TRHDE: variants seen among roughly 807,000 people sequenced by gnomAD.
The protein encoded by TRHDE is thyrotropin releasing hormone degrading enzyme.
In TRHDE, 72 loss-of-function variants were observed where a neutral mutation model predicts 125.7. The observed-to-expected ratio is 0.57, with a 90% CI of 0.47 to 0.70. The LOEUF (loss-of-function observed/expected upper bound fraction) is 0.70. Ranked by LOEUF, TRHDE falls within the 30% of genes least tolerant of loss-of-function variation. The pLI is 0.00. For missense variants in TRHDE, 1,110 were observed against 1,327.1 expected (o/e 0.84, Z 2.54); for synonymous variants, 509 against 509.1 (o/e 1.00, Z 0.00).
intron 2 of TRHDE, among the ~76,000 whole-genome samples, chr12:72,182,796 G>A (rs147647150): frequency 1.5e-3 from 231 of 152,326 alleles, no homozygotes; most frequent in Non-Finnish European, 2.8e-3. Context: ...AGTGTAGGAA[G>A]AGGGTAAAGA....
chr12:72,596,606 T>C (rs906347802), intron 12 of TRHDE, among the ~76,000 whole-genome samples: 3 of 152,184 alleles, frequency 2.0e-5, no homozygotes, highest in Non-Finnish European at 4.4e-5. Context: ...CAGTTCTGGA[T>C]AGTATACTGA....
intron 6 of TRHDE, among the ~76,000 whole-genome samples, chr12:72,512,924 G>A (rs2135950561): frequency 6.6e-6 from 1 of 151,980 alleles, no homozygotes; most frequent in South Asian, 2.1e-4. Flanking sequence ...CAATATTGAA[G>A]GAGGTTGAAC....
In TRHDE at chr12:72,652,358, A is replaced by C. The variant is rs1346771431; in HGVS notation, c.2712A>C (p.Thr904=). 7 of 1,604,202 alleles carry C rather than the reference A, an allele frequency of 4.4e-6. No homozygotes were observed. Among genetic ancestry groups the C allele is most frequent in the Non-Finnish European group, 6.0e-6 (7 of 1,175,028 alleles). ...ATGTTAGAGACATCGTATACTGTAC[A>C]GGAGTGTCACTACTGGATGAGGATG... ...PLNVRDIVYC[T]GVSLLDEDVW... The change falls in exon 16 of 19, where the codon ACA becomes ACC. Residue 904 remains threonine (T), a synonymous_variant. Transcript: ENST00000261180.
rs1306321781 is a variant in TRHDE, at chr12:72,514,883, T to C, written c.1722+15248T>C. Among the ~76,000 whole-genome samples, 639 of 146,694 alleles carry C rather than the reference T, an allele frequency of 4.4e-3. 3 individuals carry two copies. Among genetic ancestry groups the C allele is most frequent in the South Asian group, 7.9e-3 (36 of 4,532 alleles). On this transcript the variant is annotated intron_variant, in intron 6 of 18. Coordinates refer to ENST00000261180, the MANE Select transcript of TRHDE (RefSeq NM_013381.3). ...ATTCCCACCTATGAGTGAGAATATG[T>C]GGTGTTTGGTTTTTTGTTCTTGCGA...
rs1272866510 is a variant in TRHDE, at chr12:72,331,521, T to C, written c.1188+44567T>C. 2.6e-5 allele frequency among the ~76,000 whole-genome samples: 4 copies of C among 151,766 alleles called. 1 individual carries two copies. Among genetic ancestry groups the C allele is most frequent in the African/African-American group, 9.7e-5 (4 of 41,304 alleles). ...TGGAGCTGCTCACTTGTCACTTTGC[T>C]CTACTTCCAGTACCTAAAAATAACT... On this transcript the variant is annotated intron_variant, in intron 2 of 18. Transcript: ENST00000261180.
chr12:72,656,933 A>G lies in TRHDE; in HGVS notation c.2991A>G (p.Gly997=). The G allele has an allele frequency of 6.2e-7, 1 of 1,606,664 alleles. No homozygotes were observed. The highest frequency in any genetic ancestry group is 1.7e-5 in the Admixed American group (1 of 59,618). Residue 997 remains glycine (G), a synonymous_variant, in exon 18 of 19, where the codon GGA becomes GGG. Coordinates refer to ENST00000261180, the MANE Select transcript of TRHDE (RefSeq NM_013381.3). Reference sequence around the variant, plus strand: ...ACTCTTTTTTTCTTTTGAGGTATGGAGAAGCATTGTTTATGAATTCCAAAC... The same window carrying G: ...ACTCTTTTTTTCTTTTGAGGTATGGGGAAGCATTGTTTATGAATTCCAAAC... ...DKWKILNTRY[G]EALFMNSKLI...
chr12:72,103,656 C>T (rs540432891), intron 1 of TRHDE, among the ~76,000 whole-genome samples: 2 of 152,240 alleles, frequency 1.3e-5, no homozygotes, highest in South Asian at 4.2e-4. Flanking sequence ...TGGCCTTCCC[C>T]ATTACAGTAT....
In TRHDE at chr12:72,499,647, G is replaced by T; in HGVS notation, c.1722+12G>T. 1 of 1,611,518 alleles carries T rather than the reference G, an allele frequency of 6.2e-7. No individual in the cohort carries two copies. The highest frequency in any genetic ancestry group is 1.3e-5 in the African/African-American group (1 of 74,882). On this transcript the variant is annotated intron_variant, in intron 6 of 18. Coordinates refer to ENST00000261180, the MANE Select transcript of TRHDE (RefSeq NM_013381.3). ...TCGCATATAAAAAGGTGGGAATAAA[G>T]AACAAAGTGCCAATTAGATATTTCA...
intron 2 of TRHDE, chr12:72,186,513 G>A (rs956623227): frequency 1.2e-5 from 2 of 165,600 alleles, no homozygotes; most frequent in African/African-American, 2.4e-5. Context: ...CTCCAGACGC[G>A]CCACCTTAAG....
At chr12:72,444,669 A>G (rs998921083) in intron 3 of TRHDE, among the ~76,000 whole-genome samples, 1 of 151,892 alleles carries the variant, frequency 6.6e-6, no homozygotes, top group African/African-American at 2.4e-5. Context: ...GTATTTAATA[A>G]TTTAATAAGA....
intron 2 of TRHDE, among the ~76,000 whole-genome samples, chr12:72,262,165 A>T (rs1185437547): frequency 6.6e-6 from 1 of 152,162 alleles, no homozygotes; most frequent in Non-Finnish European, 1.5e-5. Flanking sequence ...TTTTAATGCA[A>T]TTTCAACTAG....
rs533210847 is a variant in TRHDE at position 72,358,338 on chromosome 12, A to G, written c.1189-19657A>G. On this transcript the variant is annotated intron_variant, in intron 2 of 18. Transcript: ENST00000261180. ...TTTACTCAGCAAGAAGACAATGAGTATGAAAGACCTTTATGATGATCCACT... is the reference window on the plus strand; with the variant it reads ...TTTACTCAGCAAGAAGACAATGAGTGTGAAAGACCTTTATGATGATCCACT... 5.3e-5 allele frequency among the ~76,000 whole-genome samples: 8 copies of G among 151,766 alleles called. No homozygotes were observed. The East Asian group carries it at 9.7e-4, about 18-fold the overall frequency.
At chr12:72,232,553 A>C (rs927086786) in intron 2 of TRHDE, among the ~76,000 whole-genome samples, 1 of 152,246 alleles carries the variant, frequency 6.6e-6, no homozygotes, top group South Asian at 2.1e-4. Context: ...CAGAGCATCA[A>C]GAATACAGAA....
intron 2 of TRHDE, chr12:72,258,054 C>T (rs1455382783): frequency 6.6e-6 from 1 of 152,086 alleles, no homozygotes; most frequent in African/African-American, 2.4e-5. Context: ...TGTATAGTTA[C>T]TCTTTTCTCT....
chr12:72,125,564 ATG>A (rs1487229615), intron 2 of TRHDE, among the ~76,000 whole-genome samples: 1 of 152,172 alleles, frequency 6.6e-6, no homozygotes, highest in African/African-American at 2.4e-5. Context: ...TATGTATTTA[ATG>A]TATTCCTTCT....
chr12:72,284,634 T>C (rs1240185533), intron 1 of TRHDE, among the ~76,000 whole-genome samples: 1 of 152,212 alleles, frequency 6.6e-6, no homozygotes, highest in Non-Finnish European at 1.5e-5. Flanking sequence ...GTTTATAAAT[T>C]ATGGCTAAAA....
At chr12:72,190,591 T>C (rs1877318191) in intron 2 of TRHDE, among the ~76,000 whole-genome samples, 1 of 152,190 alleles carries the variant, frequency 6.6e-6, no homozygotes, top group Non-Finnish European at 1.5e-5. Context: ...AATATGTGAA[T>C]AGACTTCTAA....
At chr12:72,351,837 C>A (rs1770369514) in intron 2 of TRHDE, among the ~76,000 whole-genome samples, 1 of 151,840 alleles carries the variant, frequency 6.6e-6, no homozygotes, top group South Asian at 2.1e-4. Flanking sequence ...GTTTATCTTG[C>A]ATCTTCTTTA....
At chr12:72,165,129 C>A (rs1876716348) in intron 2 of TRHDE, among the ~76,000 whole-genome samples, 1 of 152,150 alleles carries the variant, frequency 6.6e-6, no homozygotes, top group Non-Finnish European at 1.5e-5. Context: ...CACCAATTCC[C>A]AGATCTGTCA....
Sources: allele counts gnomAD v4.1 joint callset (sites outside exome capture counted in the v4.1 genomes callset), GRCh38; gene constraint gnomAD v4.1.1; transcripts MANE v1.5; gene names NCBI Gene and HGNC (gene_info 2026-07-23, HGNC 2026-07-21).